Variants in MARCHF1 observed in about 807,000 individuals in gnomAD.
MARCHF1 encodes membrane associated ring-CH-type finger 1, also known as E3 ubiquitin-protein ligase MARCHF1.
MARCHF1 carries 40 observed loss-of-function variants against 54.2 expected under a neutral mutation model. The ratio of observed to expected loss-of-function variants is 0.74; its 90% CI spans 0.57 to 0.96. The LOEUF (loss-of-function observed/expected upper bound fraction) is 0.96. MARCHF1 is among the 40% of genes least tolerant of loss of function. MARCHF1 has a pLI of 0.00. For synonymous variants in MARCHF1, 236 were observed against 236.3 expected (o/e 1.00, Z 0.01); for missense variants, 586 against 656.5 (o/e 0.89, Z 1.17).
chr4:164,163,177 G>T lies in MARCHF1; in HGVS notation c.-322-51515C>A, dbSNP rs186278064. On this transcript the variant is annotated intron_variant, in intron 1 of 9. Coordinates refer to ENST00000514618, the MANE Select transcript of MARCHF1 (RefSeq NM_001394959.1). Reference sequence around the variant, plus strand: ...CCCACCTAGAAGATCCTAAATACAGGAAGAACTAAAATGCAAGCAAAATGT... The same window carrying T: ...CCCACCTAGAAGATCCTAAATACAGTAAGAACTAAAATGCAAGCAAAATGT... Among the ~76,000 whole-genome samples the T allele has an allele frequency of 5.8e-4, 88 of 151,670 alleles. 1 individual carries two copies. Among genetic ancestry groups the T allele is most frequent in the East Asian group, 2.3e-3 (12 of 5,184 alleles).
chr4:163,601,273 C>G (rs1401762383), intron 7 of MARCHF1, among the ~76,000 whole-genome samples: 1 of 152,024 alleles, frequency 6.6e-6, no homozygotes, highest in East Asian at 1.9e-4. Flanking sequence ...AACACTGTAC[C>G]CAGTATTCAT....
At chr4:164,032,821 G>T (rs985508459) in intron 2 of MARCHF1, among the ~76,000 whole-genome samples, 2 of 151,892 alleles carry the variant, frequency 1.3e-5, no homozygotes, top group Admixed American at 6.6e-5. Context: ...ATTCATATGG[G>T]ACCGAAAAAG....
chr4:164,021,081 T>C (rs1348336368), intron 2 of MARCHF1, among the ~76,000 whole-genome samples: 6 of 13,810 alleles, frequency 4.3e-4, no homozygotes, highest in Non-Finnish European at 1.4e-3. Context: ...TTCTGTCCCT[T>C]TTTTTTTTTT....
In MARCHF1 at chr4:164,129,947, A is replaced by AAAACAAGAAAAGAAAATTGTCCT. The variant is rs1167521803; in HGVS notation, c.-322-18308_-322-18286dup. The AAAACAAGAAAAGAAAATTGTCCT allele has an allele frequency of 6.6e-5, 10 of 152,304 alleles. No homozygotes were observed. The South Asian group carries it at 2.1e-3, about 32-fold the overall frequency. The allele number at this position is 152,304 out of a possible 1,614,324, so 9.4% of individuals were successfully genotyped here. On this transcript the variant is annotated intron_variant, in intron 1 of 9. Transcript: ENST00000514618. ...CATATAAACCAGAACTTAAAATTTG[A>AAAACAAGAAAAGAAAATTGTCCT]AAACAAGAAAAGAAAATTGTCCTAA...
intron 4 of MARCHF1, among the ~76,000 whole-genome samples, chr4:163,776,937 T>TA (rs1747324629): frequency 6.6e-6 from 1 of 152,162 alleles, no homozygotes; most frequent in South Asian, 2.1e-4. Flanking sequence ...ACCCTCAAGA[T>TA]ACAATGCCTT....
intron 1 of MARCHF1, among the ~76,000 whole-genome samples, chr4:164,366,272 G>C (rs879378902): frequency 6.6e-6 from 1 of 151,988 alleles, no homozygotes; most frequent in Non-Finnish European, 1.5e-5. Context: ...CATATACATA[G>C]TAATGAATTG....
At chr4:163,753,888 C>T (rs987945813) in intron 4 of MARCHF1, among the ~76,000 whole-genome samples, 17 of 151,990 alleles carry the variant, frequency 1.1e-4, no homozygotes, top group Admixed American at 5.2e-4. Context: ...ACAGCAATAG[C>T]GGCAGAAGAG....
intron 5 of MARCHF1, among the ~76,000 whole-genome samples, chr4:163,676,357 CAA>C (rs201672647): frequency 1.8e-4 from 19 of 106,278 alleles, no homozygotes; most frequent in Non-Finnish European, 1.5e-4. Context: ...AACTCTGTCT[CAA>C]AAAAAAAAAA....
rs1330949509 is a variant in MARCHF1, at chr4:163,576,812, C to T, written c.1191+8937G>A. 5.2e-5 allele frequency among the ~76,000 whole-genome samples: 7 copies of T among 135,334 alleles called. No individual in the cohort carries two copies. In the South Asian group the frequency reaches 1.5e-3, roughly 28 times the overall value. The allele number at this position is 135,334 out of a possible 152,430, so 88.8% of individuals were successfully genotyped here. On this transcript the variant is annotated intron_variant, in intron 8 of 9. Coordinates refer to ENST00000514618, the MANE Select transcript of MARCHF1 (RefSeq NM_001394959.1). Reference sequence around the variant, plus strand: ...TTATTATGTAATATCCTTCTTTGTCCATTTTTACTGTTTTTTTTTAACTAT... The same window carrying T: ...TTATTATGTAATATCCTTCTTTGTCTATTTTTACTGTTTTTTTTTAACTAT...
intron 1 of MARCHF1, among the ~76,000 whole-genome samples, chr4:164,330,668 C>G (rs1001254224): frequency 1.3e-5 from 2 of 152,146 alleles, no homozygotes; most frequent in South Asian, 4.1e-4. Flanking sequence ...CATAGCTGGT[C>G]CTCTGCATGA....
intron 3 of MARCHF1, among the ~76,000 whole-genome samples, chr4:163,935,435 G>A (rs1751772106): frequency 6.6e-6 from 1 of 152,164 alleles, no homozygotes; most frequent in African/African-American, 2.4e-5. Flanking sequence ...ATAACTTGCT[G>A]AAGCTTCTCC....
rs71250059 is a variant in MARCHF1, at chr4:163,527,759, G to GTACT, written c.*985_*988dup. ...CAATATAGTTAATTCAAGTTGAAGT[G>GTACT]TACTTTTAAATTACCAACTGGATTT... is the stretch of plus-strand genomic sequence containing the variant. On this transcript the variant is annotated 3_prime_UTR_variant, in exon 10 of 10. Transcript: ENST00000514618. 1.3e-5 allele frequency: 2 copies of GTACT among 152,022 alleles called. No individual in the cohort carries two copies. Among genetic ancestry groups the GTACT allele is most frequent in the Admixed American group, 6.6e-5 (1 of 15,244 alleles). The allele number at this position is 152,022 out of a possible 1,614,324, so 9.4% of individuals were successfully genotyped here.
chr4:164,071,582 T>C (rs759781208), intron 2 of MARCHF1, among the ~76,000 whole-genome samples: 48 of 152,180 alleles, frequency 3.2e-4, no homozygotes, highest in Non-Finnish European at 6.8e-4. Context: ...TTAATAGTCA[T>C]AAAGAAAACA....
At chr4:164,004,250 T>C (rs1451198444) in intron 2 of MARCHF1, among the ~76,000 whole-genome samples, 1 of 151,680 alleles carries the variant, frequency 6.6e-6, no homozygotes, top group African/African-American at 2.4e-5. Flanking sequence ...TACATACATA[T>C]ATATATATAT....
intron 4 of MARCHF1, among the ~76,000 whole-genome samples, chr4:163,847,227 T>C (rs1430376969): frequency 1.3e-5 from 2 of 152,074 alleles, no homozygotes; most frequent in African/African-American, 2.4e-5. Context: ...TCTTGATCTT[T>C]CGTTTTGTAA....
intron 2 of MARCHF1, among the ~76,000 whole-genome samples, chr4:164,045,511 TTAAATAAATAAATAAATAAA>T (rs33998703): frequency 2.8e-5 from 4 of 145,334 alleles, no homozygotes; most frequent in South Asian, 2.2e-4. Flanking sequence ...GACTCCATCT[TTAAATAAATAAATAAATAAA>T]TAAATAAATA....
At chr4:163,594,759 A>ACACAC (rs1560962635) in intron 7 of MARCHF1, among the ~76,000 whole-genome samples, 116 of 65,698 alleles carry the variant, frequency 1.8e-3, no homozygotes, top group African/African-American at 4.5e-3. Flanking sequence ...TCAAAACACA[A>ACACAC]ACACACACAC....
chr4:164,196,457 A>T (rs1345097185), intron 1 of MARCHF1, among the ~76,000 whole-genome samples: 2 of 152,166 alleles, frequency 1.3e-5, no homozygotes, highest in Non-Finnish European at 2.9e-5. Context: ...TGCTTTAGCA[A>T]ATTATTTCCT....
chr4:164,254,054 A>G (rs1426173690), intron 1 of MARCHF1, among the ~76,000 whole-genome samples: 1 of 152,136 alleles, frequency 6.6e-6, no homozygotes, highest in Non-Finnish European at 1.5e-5. Context: ...TCCTTTGTGG[A>G]CAGAGCAGTT....
Sources: allele counts gnomAD v4.1 joint callset (sites outside exome capture counted in the v4.1 genomes callset), GRCh38; gene constraint gnomAD v4.1.1; transcripts MANE v1.5; gene names NCBI Gene and HGNC (gene_info 2026-07-23, HGNC 2026-07-21).